UAP1: variants seen among roughly 807,000 people sequenced by gnomAD.
The protein encoded by UAP1 is UDP-N-acetylhexosamine pyrophosphorylase.
A neutral mutation model predicts 58.5 loss-of-function variants in UAP1; 25 were observed. The ratio of observed to expected loss-of-function variants is 0.43; its 90% CI spans 0.31 to 0.60. The LOEUF (loss-of-function observed/expected upper bound fraction) is 0.60. UAP1 is among the 20% of genes least tolerant of loss of function. UAP1 has a pLI of 0.11. For synonymous variants in UAP1, 208 were observed against 213.0 expected, an observed-to-expected ratio of 0.98 and a Z score of 0.21; for missense variants, 575 against 630.0, an observed-to-expected ratio of 0.91 and a Z score of 0.93.
At chr1:162,592,919 C>T in intron 9 of UAP1, 137 bp downstream of exon 9, 1 of 698,080 alleles carries the variant, frequency 1.4e-6, no homozygotes, top group African/African-American at 1.8e-5. Flanking sequence ...GGGTGCACTG[C>T]TTACTTGGTG....
chr1:162,586,014 G>T (rs1052235804), intron 5 of UAP1, among the ~76,000 whole-genome samples: 2 of 152,072 alleles, frequency 1.3e-5, no homozygotes, highest in African/African-American at 4.8e-5. Context: ...TTCCTTTCAG[G>T]GTGGCAAACA....
At chr1:162,599,338 A>G (rs1655801145) in exon 11 of UAP1, 1 of 1,611,724 alleles carries the variant, frequency 6.2e-7, no homozygotes, top group Non-Finnish European at 8.5e-7. Context: ...AATGGAGTTC[A>G]TGAGCTGGTG....
At chr1:162,583,330 T>G (rs191308552) in intron 5 of UAP1, among the ~76,000 whole-genome samples, 1 of 151,840 alleles carries the variant, frequency 6.6e-6, no homozygotes, top group African/African-American at 2.4e-5. Context: ...TTTTTTTGTA[T>G]TTTTAGTACA....
intron 2 of UAP1, 31 bp from the exon 3 acceptor site, chr1:162,576,746 G>T (rs776813054): frequency 6.3e-6 from 10 of 1,593,192 alleles, no homozygotes; most frequent in Non-Finnish European, 8.6e-6. Context: ...GAATTGTAGA[G>T]GTTTTGTGAT....
At chr1:162,578,032 G>A (rs952780897) in intron 3 of UAP1, among the ~76,000 whole-genome samples, 1 of 152,002 alleles carries the variant, frequency 6.6e-6, no homozygotes, top group Non-Finnish European at 1.5e-5. Context: ...TGTCCAGCCA[G>A]TGTTAGTTTC....
At chr1:162,592,080 G>A (rs938786659) in intron 8 of UAP1, among the ~76,000 whole-genome samples, 3 of 152,172 alleles carry the variant, frequency 2.0e-5, no homozygotes, top group African/African-American at 7.2e-5. Flanking sequence ...TAAGATGGCT[G>A]GCTGCAAGAA....
downstream of UAP1, among the ~76,000 whole-genome samples, chr1:162,600,882 A>G (rs571894230): frequency 3.2e-4 from 48 of 152,342 alleles, no homozygotes; most frequent in South Asian, 6.8e-3. Context: ...TAGCTCCTGA[A>G]TGCCAAAAAC....
Position 162,589,167 on chromosome 1 carries a change from A to G in UAP1, c.1169+334A>G, listed in dbSNP as rs1216365167. Among the ~76,000 whole-genome samples the G allele has an allele frequency of 2.5e-3, 264 of 105,772 alleles. 6 individuals are homozygous for G. In the East Asian group the frequency reaches 0.052, roughly 21 times the overall value. 69.4% of individuals were successfully genotyped at this position (105,772 alleles called of 152,430 possible). A position where few individuals can be genotyped will look rare whatever the true frequency, so the allele number is the denominator to read the frequency against. Reference sequence around the variant, plus strand: ...TTATATAATATATATTATATATAATATATAAATATTATATATAATATATAT... The same window carrying G: ...TTATATAATATATATTATATATAATGTATAAATATTATATATAATATATAT... On this transcript the variant is annotated intron_variant, in intron 7 of 10. Transcript: ENST00000271469.
At position 162,579,623 on chromosome 1, in the gene UAP1, T is replaced by A. The variant is rs755776286; in HGVS notation, c.661+20T>A. 6.7e-7 allele frequency: 1 copy of A among 1,494,970 alleles called. No individual in the cohort carries two copies. The highest frequency in any genetic ancestry group is 1.3e-5 in the South Asian group (1 of 74,450). The allele number at this position is 1,494,970 out of a possible 1,614,324, so 92.6% of individuals were successfully genotyped here. On this transcript the variant is annotated intron_variant, in intron 4 of 10. Transcript: ENST00000271469. ...CTCCAGGTTTGTAATCATCCTTATT[T>A]AATGGTGACTAGAAAGGATAACAAC... is the stretch of plus-strand genomic sequence containing the variant.
At chr1:162,575,918 G>A (rs150387552) in intron 2 of UAP1, among the ~76,000 whole-genome samples, 42 of 152,174 alleles carry the variant, frequency 2.8e-4, no homozygotes, top group African/African-American at 8.9e-4. Flanking sequence ...CCTGACCTCA[G>A]GTGATCCACC....
chr1:162,562,180 C>T (rs954651243), intron 1 of UAP1, among the ~76,000 whole-genome samples: 1 of 151,328 alleles, frequency 6.6e-6, no homozygotes, highest in Non-Finnish European at 1.5e-5. Flanking sequence ...CAGTAGAGAC[C>T]TCGAGGCTCT....
intron 5 of UAP1, among the ~76,000 whole-genome samples, chr1:162,584,770 A>G (rs1013279022): frequency 6.6e-6 from 1 of 152,162 alleles, no homozygotes; most frequent in African/African-American, 2.4e-5. Flanking sequence ...GGTGTGAACC[A>G]CTATGCCTGG....
At chr1:162,581,208 A>T (rs1179473785) in intron 4 of UAP1, 79 bp from the exon 5 acceptor site, 1 of 1,472,304 alleles carries the variant, frequency 6.8e-7, no homozygotes, top group East Asian at 2.3e-5. Flanking sequence ...AGGGATCTTA[A>T]CCCTAGTTTG....
At chr1:162,577,283 C>G (rs1440874626) in intron 3 of UAP1, among the ~76,000 whole-genome samples, 1 of 151,854 alleles carries the variant, frequency 6.6e-6, no homozygotes, top group Non-Finnish European at 1.5e-5. Context: ...TTATTTAGCT[C>G]TCCCACACCC....
intron 2 of UAP1, among the ~76,000 whole-genome samples, chr1:162,567,943 G>C (rs1051170344): frequency 2.0e-5 from 3 of 151,946 alleles, no homozygotes; most frequent in African/African-American, 7.3e-5. Context: ...TTACAGGTTC[G>C]TACCACCATG....
Position 162,566,353 on chromosome 1 carries a change from T to C in UAP1, c.280+5T>C, listed in dbSNP as rs1005183461. ...TCCAGGCCTGGGAAAGTGAAGGTACTGGGCATGTACATATTTCTTACTGAA... is the reference window on the plus strand; with the variant it reads ...TCCAGGCCTGGGAAAGTGAAGGTACCGGGCATGTACATATTTCTTACTGAA... On this transcript the variant is annotated splice_donor_5th_base_variant and intron_variant, in intron 2 of 10. Coordinates refer to ENST00000271469, the Ensembl canonical transcript of UAP1. The C allele has an allele frequency of 3.7e-6, 6 of 1,610,862 alleles. No individual in the cohort carries two copies. The Admixed American group carries it at 8.4e-5, about 23-fold the overall frequency.
chr1:162,577,021 A>T, intron 3 of UAP1, 40 bp downstream of exon 3: 2 of 1,579,952 alleles, frequency 1.3e-6, no homozygotes, highest in Non-Finnish European at 1.7e-6. Context: ...CTGAACATAT[A>T]TTGTTTTATA....
downstream of UAP1, among the ~76,000 whole-genome samples, chr1:162,600,071 AT>A (rs1655844724): frequency 6.6e-6 from 1 of 152,180 alleles, no homozygotes; most frequent in South Asian, 2.1e-4. Flanking sequence ...GTCTGGAGAT[AT>A]TTTTGGTTGT....
chr1:162,595,261 A>G (rs1655549944), intron 9 of UAP1, among the ~76,000 whole-genome samples: 1 of 152,158 alleles, frequency 6.6e-6, no homozygotes, highest in South Asian at 2.1e-4. Context: ...TCTTTGTGGT[A>G]GTAGAATGGA....
Sources: gnomAD v4.1 joint callset for allele counts (sites outside exome capture counted in the v4.1 genomes callset) on GRCh38, gnomAD v4.1.1 for gene constraint, MANE v1.5 for transcripts, NCBI Gene and HGNC (gene_info 2026-07-23, HGNC 2026-07-21) for gene names.